CCNH: variants seen among roughly 807,000 people sequenced by gnomAD.
CCNH encodes the protein cyclin H.
Under a neutral mutation model 41.9 loss-of-function variants are expected in CCNH, and 31 were observed. The observed-to-expected ratio is 0.74, with a 90% confidence interval of 0.56 to 1.00. The LOEUF is 1.00. Among genes scored for constraint, CCNH ranks in the 50% least tolerant of loss-of-function variants. The pLI is 0.00. For synonymous variants in CCNH, 138 were observed against 136.1 expected, an observed-to-expected ratio of 1.01 and a Z score of -0.10; for missense variants, 362 against 388.4, an observed-to-expected ratio of 0.93 and a Z score of 0.57.
At chr5:87,391,129 TG>T (rs1470871988), downstream of CCNH, 5 of 595,932 alleles carry the variant, frequency 8.4e-6, no homozygotes, top group East Asian at 1.4e-4. Context: ...CTCTGAGCCT[TG>T]GTGTACAGAC....
chr5:87,411,602 T>C (rs1764248010), intron 1 of CCNH, among the ~76,000 whole-genome samples: 1 of 152,182 alleles, frequency 6.6e-6, no homozygotes, highest in Non-Finnish European at 1.5e-5. Flanking sequence ...GTATAAACAA[T>C]CATGACAGGC....
intron 9 of CCNH, among the ~76,000 whole-genome samples, chr5:87,330,109 A>T (rs997503677): frequency 6.6e-6 from 1 of 152,148 alleles, no homozygotes; most frequent in African/African-American, 2.4e-5. Context: ...GCTATAAATA[A>T]GTTCATTATT....
At chr5:87,353,250 T>C (rs1759411560) in intron 9 of CCNH, 1 of 1,565,532 alleles carries the variant, frequency 6.4e-7, no homozygotes, top group Admixed American at 1.7e-5. Flanking sequence ...GTGTTGCATT[T>C]CTTATTGCAA....
chr5:87,385,436 T>G, intron 9 of CCNH: 1 of 1,387,212 alleles, frequency 7.2e-7, no homozygotes, highest in Non-Finnish European at 1.0e-6. Flanking sequence ...AATGCAAGTT[T>G]GACATGATAA....
At chr5:87,367,457 G>A (rs1172029157) in intron 9 of CCNH, among the ~76,000 whole-genome samples, 1 of 152,202 alleles carries the variant, frequency 6.6e-6, no homozygotes, top group Non-Finnish European at 1.5e-5. Context: ...GGTGATTAGT[G>A]CGCATGCTCA....
At chr5:87,339,618 T>G (rs781147969) in intron 9 of CCNH, among the ~76,000 whole-genome samples, 59 of 152,142 alleles carry the variant, frequency 3.9e-4, no homozygotes, top group Non-Finnish European at 7.2e-4. Context: ...AATTACTCAA[T>G]GTATACAGAA....
At chr5:87,334,696 T>TA (rs901550554) in intron 9 of CCNH, among the ~76,000 whole-genome samples, 1 of 152,214 alleles carries the variant, frequency 6.6e-6, no homozygotes, top group Non-Finnish European at 1.5e-5. Context: ...GTTACACACT[T>TA]AGAGTTAAAG....
At chr5:87,374,384 T>G, downstream of CCNH, 1 of 1,478,322 alleles carries the variant, frequency 6.8e-7, no homozygotes, top group Non-Finnish European at 9.2e-7. Context: ...CTTTCTGTTT[T>G]TTTGGTCTCT....
intron 9 of CCNH, among the ~76,000 whole-genome samples, chr5:87,327,368 G>T (rs1302621459): frequency 1.3e-5 from 2 of 152,100 alleles, no homozygotes; most frequent in African/African-American, 2.4e-5. Context: ...TTCTTTAAAG[G>T]AATTTAGTAC....
intron 9 of CCNH, chr5:87,337,872 T>C: frequency 8.1e-7 from 1 of 1,235,186 alleles, no homozygotes; most frequent in Non-Finnish European, 1.1e-6. Context: ...CCTTACATTT[T>C]TCAATATAAT....
At chr5:87,364,789 A>T (rs1057294451) in intron 9 of CCNH, among the ~76,000 whole-genome samples, 2 of 152,148 alleles carry the variant, frequency 1.3e-5, no homozygotes, top group African/African-American at 4.8e-5. Flanking sequence ...TCCCATAATT[A>T]TTAAAAAATC....
chr5:87,394,910 A>C, intron 8 of CCNH, 134 bp downstream of exon 8: 1 of 1,527,414 alleles, frequency 6.5e-7, no homozygotes, highest in Non-Finnish European at 8.7e-7. Flanking sequence ...ACTGTACGTA[A>C]GGAAGTATGC....
At chr5:87,379,583 TA>T (rs1349196921), upstream of CCNH, 3 of 1,098,506 alleles carry the variant, frequency 2.7e-6, no homozygotes, top group Non-Finnish European at 3.8e-6. Flanking sequence ...GAAAACTACT[TA>T]AAAACTCCCA....
chr5:87,404,110 A>G (rs1385656954), intron 5 of CCNH, among the ~76,000 whole-genome samples: 2 of 152,224 alleles, frequency 1.3e-5, no homozygotes, highest in African/African-American at 2.4e-5. Flanking sequence ...ATTCTTATTA[A>G]TAAGTATTCA....
upstream of CCNH, among the ~76,000 whole-genome samples, chr5:87,378,234 G>C (rs188177348): frequency 1.4e-4 from 22 of 152,314 alleles, no homozygotes; most frequent in Admixed American, 1.3e-3. Flanking sequence ...TAAGTCTGTA[G>C]AAGTATAGGA....
intron 9 of CCNH, among the ~76,000 whole-genome samples, chr5:87,340,986 A>G (rs1009925530): frequency 2.6e-5 from 4 of 151,776 alleles, no homozygotes; most frequent in Non-Finnish European, 4.4e-5. Context: ...GTTTTTCTTA[A>G]TGTAGGGCAC....
chr5:87,329,898 G>A lies in CCNH; in HGVS notation c.*91-11001C>T, dbSNP rs1029366741. On this transcript the variant is annotated intron_variant and NMD_transcript_variant, in intron 9 of 9. Coordinates refer to the CCNH transcript ENST00000645953. ...TTATAGTTCCTTAGGGTTCATTTAC[G>A]ATCTCTGGTGTAAACTTTCCATTTC... is the stretch of plus-strand genomic sequence containing the variant. Among the ~76,000 whole-genome samples, 19 of 152,062 alleles carry A rather than the reference G, an allele frequency of 1.2e-4. No individual in the cohort carries two copies. In the East Asian group the frequency reaches 2.7e-3, roughly 22 times the overall value.
intron 9 of CCNH, among the ~76,000 whole-genome samples, chr5:87,355,294 G>A (rs1288296126): frequency 6.6e-6 from 1 of 152,146 alleles, no homozygotes; most frequent in East Asian, 1.9e-4. Context: ...CTTTTCAGGG[G>A]CTAATGCAGC....
downstream of CCNH, among the ~76,000 whole-genome samples, chr5:87,313,819 G>A (rs908069639): frequency 3.9e-5 from 6 of 152,194 alleles, no homozygotes; most frequent in Non-Finnish European, 7.3e-5. Context: ...TAGACAAAGG[G>A]ATGGCAATAA....
Sources: gnomAD v4.1 joint callset for allele counts (sites outside exome capture counted in the v4.1 genomes callset) on GRCh38, gnomAD v4.1.1 for gene constraint, MANE v1.5 for transcripts, NCBI Gene and HGNC (gene_info 2026-07-23, HGNC 2026-07-21) for gene names.